The following OXR1 variants were observed in gnomAD, a reference collection of about 807,000 sequenced individuals.
OXR1 encodes the protein oxidation resistance protein 1.
OXR1 carries 41 observed loss-of-function variants against 104.6 expected under a neutral mutation model. The ratio of observed to expected loss-of-function variants is 0.39; its 90% CI spans 0.31 to 0.51. The LOEUF (loss-of-function observed/expected upper bound fraction) is 0.51. OXR1 is among the 20% of genes least tolerant of loss of function. OXR1 has a pLI of 0.77. For synonymous variants in OXR1, 348 were observed against 348.4 expected (o/e 1.00, Z 0.01); for missense variants, 955 against 1,031.9 (o/e 0.93, Z 1.02).
chr8:106,459,206 G>T (rs1017388538), intron 2 of OXR1, among the ~76,000 whole-genome samples: 3 of 152,030 alleles, frequency 2.0e-5, no homozygotes, highest in African/African-American at 7.2e-5. Context: ...AGTAAGAGGT[G>T]GTTATATCAC....
At chr8:106,472,707 T>C (rs1242820450) in intron 2 of OXR1, among the ~76,000 whole-genome samples, 1 of 151,850 alleles carries the variant, frequency 6.6e-6, no homozygotes, top group Non-Finnish European at 1.5e-5. Context: ...GTCACTCCAG[T>C]CTTTTTTCTT....
intron 2 of OXR1, among the ~76,000 whole-genome samples, chr8:106,417,948 G>C (rs537270402): frequency 8.6e-5 from 13 of 151,978 alleles, no homozygotes; most frequent in Admixed American, 8.5e-4. Context: ...CTAGGCCTGA[G>C]TGGCCAAGGA....
At chr8:106,634,684 A>T (rs373446925) in intron 3 of OXR1, among the ~76,000 whole-genome samples, 6 of 152,206 alleles carry the variant, frequency 3.9e-5, no homozygotes, top group African/African-American at 1.4e-4. Context: ...GATGAGCTTG[A>T]ATCTATTCAA....
At chr8:106,306,728 G>A (rs73303185) in intron 1 of OXR1, among the ~76,000 whole-genome samples, 33,452 of 152,006 alleles carry the variant, frequency 0.22, 5,460 homozygotes, top group African/African-American at 0.46. Context: ...AGTTACTTAT[G>A]GGCTAAAAGG....
intron 3 of OXR1, among the ~76,000 whole-genome samples, chr8:106,540,824 C>A (rs1275456680): frequency 1.3e-5 from 2 of 152,184 alleles, no homozygotes; most frequent in African/African-American, 2.4e-5. Flanking sequence ...TGAAAACCAT[C>A]AGATCTCGTG....
At chr8:106,617,855 C>T (rs1325180792) in intron 3 of OXR1, 2 of 178,620 alleles carry the variant, frequency 1.1e-5, no homozygotes, top group East Asian at 3.8e-4. Flanking sequence ...CCATGATAGA[C>T]TTTACAGTAT....
intron 1 of OXR1, among the ~76,000 whole-genome samples, chr8:106,299,670 T>C (rs1211935406): frequency 6.6e-6 from 1 of 152,192 alleles, no homozygotes; most frequent in Non-Finnish European, 1.5e-5. Context: ...ACACTATTTC[T>C]ATATTATAAA....
At chr8:106,291,463 A>G (rs1389233409) in intron 1 of OXR1, among the ~76,000 whole-genome samples, 6 of 152,228 alleles carry the variant, frequency 3.9e-5, no homozygotes, top group Non-Finnish European at 8.8e-5. Flanking sequence ...TATTAGCATT[A>G]AATTGCATCA....
At chr8:106,484,487 A>G (rs1412263053) in intron 2 of OXR1, among the ~76,000 whole-genome samples, 1 of 152,078 alleles carries the variant, frequency 6.6e-6, no homozygotes, top group Non-Finnish European at 1.5e-5. Flanking sequence ...AAGAAATAAA[A>G]TAAACCAATT....
intron 11 of OXR1, among the ~76,000 whole-genome samples, chr8:106,735,213 T>G (rs1834258562): frequency 7.2e-6 from 1 of 139,372 alleles, no homozygotes; most frequent in Non-Finnish European, 1.6e-5. Context: ...ACTCACAGAC[T>G]TTTTTTTTTT....
chr8:106,612,386 C>T (rs1219663572), intron 3 of OXR1, among the ~76,000 whole-genome samples: 2 of 152,056 alleles, frequency 1.3e-5, no homozygotes, highest in Admixed American at 1.3e-4. Context: ...AGTACCTAAA[C>T]AATAACTTTA....
chr8:106,696,753 A>G (rs1337359732), intron 7 of OXR1, among the ~76,000 whole-genome samples: 1 of 152,130 alleles, frequency 6.6e-6, no homozygotes, highest in Non-Finnish European at 1.5e-5. Flanking sequence ...GAAATGACAA[A>G]TTCTTTAAAT....
chr8:106,715,805 G>A (rs1174355826), intron 11 of OXR1, among the ~76,000 whole-genome samples: 1 of 152,126 alleles, frequency 6.6e-6, no homozygotes, highest in Non-Finnish European at 1.5e-5. Context: ...CTCAGTTTCT[G>A]TGCAAGACTC....
At chr8:106,284,312 A>T (rs2067020785) in intron 1 of OXR1, among the ~76,000 whole-genome samples, 1 of 152,002 alleles carries the variant, frequency 6.6e-6, no homozygotes, top group Non-Finnish European at 1.5e-5. Context: ...CAGGCAGAGG[A>T]AATAGGTTGG....
At chr8:106,482,443 T>G (rs1586700348) in intron 2 of OXR1, among the ~76,000 whole-genome samples, 1 of 148,232 alleles carries the variant, frequency 6.7e-6, no homozygotes, top group Non-Finnish European at 1.5e-5. Context: ...TCAAATCCCA[T>G]CCATGGCCCC....
intron 1 of OXR1, among the ~76,000 whole-genome samples, chr8:106,307,901 T>C (rs1396586939): frequency 6.6e-6 from 1 of 152,142 alleles, no homozygotes; most frequent in Non-Finnish European, 1.5e-5. Flanking sequence ...ATGTCCATTT[T>C]CTGAAAATAA....
At chr8:106,318,370 TA>T (rs35903646) in intron 1 of OXR1, among the ~76,000 whole-genome samples, 45,653 of 152,090 alleles carry the variant, frequency 0.3, 7,949 homozygotes, top group Admixed American at 0.38. Context: ...AAAGTCATGG[TA>T]ATCTCTTCCT....
intron 2 of OXR1, among the ~76,000 whole-genome samples, chr8:106,503,076 C>T (rs1244782090): frequency 6.6e-6 from 1 of 152,008 alleles, no homozygotes; most frequent in Non-Finnish European, 1.5e-5. Flanking sequence ...TTTGTGTCTC[C>T]AGCATTTAGC....
At chr8:106,656,669 C>T (rs1204764226) in intron 3 of OXR1, among the ~76,000 whole-genome samples, 2 of 152,146 alleles carry the variant, frequency 1.3e-5, no homozygotes, top group Middle Eastern at 3.4e-3. Flanking sequence ...CCATAAACAC[C>T]GAATTAGACA....
Sources: allele counts gnomAD v4.1 joint callset (sites outside exome capture counted in the v4.1 genomes callset), GRCh38; gene constraint gnomAD v4.1.1; transcripts MANE v1.5; gene names NCBI Gene and HGNC (gene_info 2026-07-23, HGNC 2026-07-21).